CASP10: variants seen among roughly 807,000 people sequenced by gnomAD.
CASP10 encodes caspase 10.
In CASP10, 41 loss-of-function variants were observed where a neutral mutation model predicts 48.5. The observed-to-expected ratio is 0.85, with a 90% CI of 0.66 to 1.10. The LOEUF (loss-of-function observed/expected upper bound fraction) is 1.10, where lower values mean the gene tolerates loss of function less well. Among genes scored for constraint, CASP10 ranks in the 50% least tolerant of loss-of-function variants. The probability of loss-of-function intolerance (pLI) is 0.00; values close to 1 mark genes in which losing one functional copy is unlikely to be tolerated. For missense variants in CASP10, 614 were observed against 614.5 expected, an observed-to-expected ratio of 1.00 and a Z score of 0.01; for synonymous variants, 232 against 238.4, an observed-to-expected ratio of 0.97 and a Z score of 0.25.
At chr2:201,184,571 G>A (rs538565787) in intron 1 of CASP10, among the ~76,000 whole-genome samples, 25 of 152,290 alleles carry the variant, frequency 1.6e-4, no homozygotes, top group Non-Finnish European at 3.4e-4. Flanking sequence ...TGATCCACCC[G>A]CCTTGGCCTC....
At chr2:201,200,003 G>T (rs1944954986) in intron 5 of CASP10, among the ~76,000 whole-genome samples, 1 of 151,932 alleles carries the variant, frequency 6.6e-6, no homozygotes, top group Admixed American at 6.6e-5. Flanking sequence ...CCTTATCTTT[G>T]GTACATGTGG....
chr2:201,205,829 G>A (rs964719295), intron 6 of CASP10, 53 bp from the exon 7 acceptor site: 5 of 1,087,782 alleles, frequency 4.6e-6, no homozygotes, highest in Non-Finnish European at 7.1e-6. Context: ...TATCAGTGAA[G>A]AAATCTAAGT....
intron 6 of CASP10, among the ~76,000 whole-genome samples, 168 bp from the exon 7 acceptor site, chr2:201,205,714 A>G (rs1945178372): frequency 6.6e-6 from 1 of 152,254 alleles, no homozygotes; most frequent in Non-Finnish European, 1.5e-5. Flanking sequence ...GCAAAAAAGA[A>G]TGCGAAGACA....
At chr2:201,201,027 C>T (rs973343021) in intron 5 of CASP10, among the ~76,000 whole-genome samples, 10 of 151,958 alleles carry the variant, frequency 6.6e-5, no homozygotes, top group South Asian at 2.1e-4. Context: ...CCCACCTCCC[C>T]GCTCCCCCAG....
intron 3 of CASP10, 148 bp downstream of exon 3, chr2:201,187,947 G>C (rs1016678663): frequency 2.8e-6 from 2 of 702,610 alleles, no homozygotes; most frequent in Admixed American, 4.2e-5. Flanking sequence ...TGCTGGATGA[G>C]CCTAGATTCT....
At chr2:201,207,787 G>A (rs1424779419) in intron 7 of CASP10, among the ~76,000 whole-genome samples, 1 of 151,540 alleles carries the variant, frequency 6.6e-6, no homozygotes, top group South Asian at 2.1e-4. Context: ...TGGGGGTGTT[G>A]GTGGGCACCT....
downstream of CASP10, among the ~76,000 whole-genome samples, chr2:201,223,972 TTC>T (rs200870695): frequency 8.6e-5 from 13 of 150,642 alleles, no homozygotes; most frequent in African/African-American, 3.2e-4. Flanking sequence ...TGGAACTCTT[TTC>T]TTTTTTTTTT....
In CASP10 at chr2:201,221,409, G is replaced by T. The variant is rs1945716662; in HGVS notation, c.*3668G>T. The stretch of plus-strand genomic sequence containing the variant: ...AAGAATCACAAAAGAAGTGAAAATG[G>T]CCTGTTCCTGCCTTAACTGATGACA... On this transcript the variant is annotated 3_prime_UTR_variant, in exon 10 of 10. Coordinates refer to ENST00000286186, the MANE Select transcript of CASP10 (RefSeq NM_032977.4). The T allele has an allele frequency of 2.7e-6, 1 of 374,966 alleles. No individual in the cohort carries two copies. 23.2% of individuals were successfully genotyped at this position (374,966 alleles called of 1,614,324 possible).
In CASP10 at chr2:201,217,594, A is replaced by G. The variant is rs1945612181; in HGVS notation, c.1422A>G (p.Glu474=). The change falls in exon 10 of 10, where the codon GAA becomes GAG. Residue 474 remains glutamate (E), a synonymous_variant. Coordinates refer to ENST00000286186, the MANE Select transcript of CASP10 (RefSeq NM_032977.4). The stretch of plus-strand genomic sequence containing the variant: ...GTTTTCTTCTTTGTTGCAGACATGA[A>G]GACATCTTATCCATCCTCACTGCTG... ...NHLKKLVPRH[E]DILSILTAVN... is the part of the protein sequence containing the mutation. The G allele has an allele frequency of 6.2e-7, 1 of 1,613,230 alleles. No individual in the cohort carries two copies. The highest frequency in any genetic ancestry group is 1.6e-4 in the Middle Eastern group (1 of 6,062).
chr2:201,228,626 CTAAG>C (rs1295140094), intron 9 of CASP10, among the ~76,000 whole-genome samples: 1 of 152,180 alleles, frequency 6.6e-6, no homozygotes, highest in Non-Finnish European at 1.5e-5. Context: ...CCCAGAGAAA[CTAAG>C]TAGTCTTGGA....
intron 7 of CASP10, among the ~76,000 whole-genome samples, chr2:201,207,643 G>T (rs1483819265): frequency 6.6e-6 from 1 of 152,058 alleles, no homozygotes; most frequent in Non-Finnish European, 1.5e-5. Context: ...TGTAGTCCCA[G>T]CTACTCGGGA....
intron 5 of CASP10, among the ~76,000 whole-genome samples, chr2:201,201,097 A>C (rs917790473): frequency 1.3e-5 from 2 of 151,978 alleles, no homozygotes; most frequent in African/African-American, 4.8e-5. Flanking sequence ...TCGCTCTGTC[A>C]CCCAGGCTGG....
chr2:201,201,901 T>A (rs1280507661), intron 5 of CASP10, among the ~76,000 whole-genome samples: 1 of 152,104 alleles, frequency 6.6e-6, no homozygotes, highest in Non-Finnish European at 1.5e-5. Flanking sequence ...TGTTTAAAAA[T>A]TAAATTTATT....
Position 201,218,258 on chromosome 2 carries a change from T to G in CASP10, c.*517T>G. The G allele has an allele frequency of 9.9e-7, 1 of 1,009,562 alleles. No individual in the cohort carries two copies. Among genetic ancestry groups the G allele is most frequent in the Non-Finnish European group, 1.2e-6 (1 of 844,490 alleles). 62.5% of individuals were successfully genotyped at this position (1,009,562 alleles called of 1,614,324 possible). On this transcript the variant is annotated 3_prime_UTR_variant, in exon 10 of 10. Transcript: ENST00000286186. Reference sequence around the variant, plus strand: ...TTATTGAAGACTTGGATTGTAGCCTTGGTTTTGGATGTCTATTCTGAAGAC... The same window carrying G: ...TTATTGAAGACTTGGATTGTAGCCTGGGTTTTGGATGTCTATTCTGAAGAC...
At position 201,201,036 on chromosome 2, in the gene CASP10, A is replaced by G. The variant is rs1388908820; in HGVS notation, c.685-2694A>G. 3.9e-5 allele frequency among the ~76,000 whole-genome samples: 6 copies of G among 151,928 alleles called. No individual in the cohort carries two copies. The East Asian group carries it at 1.2e-3, about 29-fold the overall frequency. On this transcript the variant is annotated intron_variant, in intron 5 of 9. Coordinates refer to ENST00000286186, the MANE Select transcript of CASP10 (RefSeq NM_032977.4). ...TCCATTCCCACCTCCCCGCTCCCCC[A>G]GAAGCTCTTTATTATTTTATTTTAT...
At chr2:201,207,507 C>T (rs920258212) in intron 7 of CASP10, among the ~76,000 whole-genome samples, 2 of 151,884 alleles carry the variant, frequency 1.3e-5, no homozygotes, top group Non-Finnish European at 2.9e-5. Flanking sequence ...GCCTGTAATC[C>T]CAGCACTTTG....
intron 4 of CASP10, among the ~76,000 whole-genome samples, chr2:201,195,578 AGT>A (rs1163987844): frequency 6.6e-6 from 1 of 152,088 alleles, no homozygotes. Flanking sequence ...CTTTTCTGTA[AGT>A]GTGTGTGATC....
In CASP10 at chr2:201,209,160, A is replaced by G. The variant is rs2126047786; in HGVS notation, c.1013A>G (p.Lys338Arg). Residue 338 changes from lysine to arginine, a missense_variant, in exon 9 of 10, where the codon AAG (lysine) becomes AGG (arginine). By Grantham distance (26) the Lys-to-Arg change is conservative (BLOSUM62 2). Transcript: ENST00000286186. ...GTGGAAATGGAGATGGTCCTGCAGA[A>G]GCAGAAGTGCAATCCAGCCCATGCC... ...TKVEMEMVLQ[K>R]QKCNPAHADG... The G allele has an allele frequency of 6.2e-7, 1 of 1,612,570 alleles. No individual in the cohort carries two copies. The highest frequency in any genetic ancestry group is 1.7e-4 in the Middle Eastern group (1 of 6,046).
chr2:201,189,118 C>T (rs77237439), intron 3 of CASP10, among the ~76,000 whole-genome samples: 4 of 151,962 alleles, frequency 2.6e-5, no homozygotes, highest in Admixed American at 2.0e-4. Flanking sequence ...GTGATCCACC[C>T]GTCTCGGCCT....
Sources: allele counts gnomAD v4.1 joint callset (sites outside exome capture counted in the v4.1 genomes callset), GRCh38; gene constraint gnomAD v4.1.1; transcripts MANE v1.5; gene names NCBI Gene and HGNC (gene_info 2026-07-23, HGNC 2026-07-21).